The following EFHB variants were observed in gnomAD, a reference collection of about 807,000 sequenced individuals.
The protein encoded by EFHB is EF-hand domain-containing family member B.
In EFHB, 91 loss-of-function variants were observed where a neutral mutation model predicts 87.2. The observed-to-expected ratio is 1.04, with a 90% confidence interval of 0.88 to 1.24. The LOEUF (loss-of-function observed/expected upper bound fraction) is 1.24, where lower values mean the gene tolerates loss of function less well. Among genes scored for constraint, EFHB ranks in the 50% most tolerant of loss-of-function variants. The pLI, the probability that EFHB is intolerant of heterozygous loss-of-function variation, is 0.00. For missense variants in EFHB, 1,084 were observed against 998.8 expected, an observed-to-expected ratio of 1.09 and a Z score of -1.15; for synonymous variants, 325 against 333.6, an observed-to-expected ratio of 0.97 and a Z score of 0.28.
intron 1 of EFHB, among the ~76,000 whole-genome samples, chr3:19,939,379 T>C (rs1696098612): frequency 1.0e-5 from 1 of 99,292 alleles, no homozygotes; most frequent in African/African-American, 4.1e-5. Flanking sequence ...CCTTTTTTTT[T>C]TTTTTTTTTT....
intron 1 of EFHB, among the ~76,000 whole-genome samples, chr3:19,922,067 A>T (rs1355721277): frequency 1.3e-5 from 2 of 152,172 alleles, no homozygotes; most frequent in African/African-American, 4.8e-5. Context: ...CGGGAAGCTG[A>T]GGCAGGAGAA....
At chr3:19,904,286 C>T (rs893359753) in intron 6 of EFHB, among the ~76,000 whole-genome samples, 1 of 152,206 alleles carries the variant, frequency 6.6e-6, no homozygotes, top group African/African-American at 2.4e-5. Flanking sequence ...CTCTCACAGT[C>T]CTAGAAGCCA....
chr3:19,902,350 GTTTGTT>G (rs1439551127), intron 6 of EFHB, among the ~76,000 whole-genome samples: 28 of 152,068 alleles, frequency 1.8e-4, no homozygotes, highest in Admixed American at 8.5e-4. Context: ...TTGTTTGTTT[GTTTGTT>G]TTTGTTTTTG....
intron 9 of EFHB, among the ~76,000 whole-genome samples, chr3:19,893,252 T>C (rs1389947790): frequency 6.6e-6 from 1 of 152,198 alleles, no homozygotes. Flanking sequence ...ATATTCTCTA[T>C]TTTCGCCTAG....
chr3:19,914,266 G>C (rs951924555), intron 5 of EFHB, among the ~76,000 whole-genome samples: 4 of 152,150 alleles, frequency 2.6e-5, no homozygotes, highest in African/African-American at 7.2e-5. Flanking sequence ...CATTGGATTA[G>C]ACTGTGCAAT....
rs760019193 is a variant in EFHB at position 19,905,666 on chromosome 3, C to T, written c.1372G>A (p.Gly458Arg). 52 of 1,613,570 alleles carry T rather than the reference C, an allele frequency of 3.2e-5. No individual in the cohort carries two copies. The highest frequency in any genetic ancestry group is 4.4e-5 in the Non-Finnish European group (52 of 1,179,756). The change falls in exon 6 of 13, where the codon GGA (glycine) becomes AGA (arginine). Residue 458 changes from glycine (G) to arginine (R), a missense_variant. Gly to Arg is a moderately radical substitution (Grantham distance 125, BLOSUM62 -2). Transcript: ENST00000295824. ...TATAGAGATTTTGCCATGGCTCGTC[C>T]ATCATTAAAATGTGGTGTTGGTACT... is the stretch of plus-strand genomic sequence containing the variant. Reference protein sequence around the residue: ...YGVPTPHFNDGRAMAKSLYWL... With the variant: ...YGVPTPHFNDRRAMAKSLYWL...
upstream of EFHB, among the ~76,000 whole-genome samples, chr3:19,935,867 G>C (rs1696002062): frequency 1.3e-5 from 2 of 151,628 alleles, no homozygotes; most frequent in South Asian, 4.2e-4. Flanking sequence ...AAAATTAGCT[G>C]GGCCTGATGG....
chr3:19,898,684 G>C, intron 8 of EFHB, 94 bp downstream of exon 8: 5 of 1,207,150 alleles, frequency 4.1e-6, no homozygotes, highest in Non-Finnish European at 6.0e-6. Context: ...TAGAAGCTTT[G>C]AAATAAGGAG....
chr3:19,904,855 C>G (rs767766154), intron 6 of EFHB, among the ~76,000 whole-genome samples: 5 of 152,170 alleles, frequency 3.3e-5, no homozygotes, highest in Admixed American at 6.5e-5. Flanking sequence ...ACCATGGTAC[C>G]AGTATCCACA....
intron 6 of EFHB, among the ~76,000 whole-genome samples, chr3:19,903,618 T>C (rs532490019): frequency 3.2e-4 from 49 of 152,146 alleles, no homozygotes; most frequent in Non-Finnish European, 6.2e-4. Flanking sequence ...ATATCCTAAA[T>C]AAAAACTATC....
At chr3:19,940,794 C>T in intron 1 of EFHB, 1 of 364,614 alleles carries the variant, frequency 2.7e-6, no homozygotes, top group Non-Finnish European at 5.5e-6. Context: ...CAAAGGTATG[C>T]CTGTGAGTTG....
At chr3:19,934,753 C>T (rs1346828627), upstream of EFHB, among the ~76,000 whole-genome samples, 1 of 152,094 alleles carries the variant, frequency 6.6e-6, no homozygotes, top group African/African-American at 2.4e-5. Context: ...TTAGGTCCTT[C>T]CTTGTCCAAG....
intron 1 of EFHB, 54 bp from the exon 2 acceptor site, chr3:19,920,621 G>T: frequency 7.0e-7 from 1 of 1,428,724 alleles, no homozygotes; most frequent in Non-Finnish European, 9.6e-7. Context: ...GGAGCATTTT[G>T]AAGAATGAAA....
intron 11 of EFHB, 45 bp from the exon 12 acceptor site, chr3:19,882,776 C>T: frequency 6.5e-7 from 1 of 1,543,392 alleles, no homozygotes; most frequent in Non-Finnish European, 8.8e-7. Flanking sequence ...TAAAACAAAG[C>T]TGTGTAACAC....
chr3:19,920,334 G>A (rs1422104691), intron 2 of EFHB, among the ~76,000 whole-genome samples, 171 bp downstream of exon 2: 8 of 152,276 alleles, frequency 5.3e-5, no homozygotes, highest in Admixed American at 3.3e-4. Flanking sequence ...GTAAGCCTGG[G>A]ATTTTCACTT....
rs139977147 is a variant in EFHB at position 19,889,795 on chromosome 3, C to A, written c.1726-1144G>T. Among the ~76,000 whole-genome samples the A allele has an allele frequency of 3.3e-5, 5 of 151,970 alleles. No individual in the cohort carries two copies. The East Asian group carries it at 5.8e-4, about 18-fold the overall frequency. ...GCCTGTAATCCCAGCACTTTGGGAG[C>A]CTGACCAACACGGAGAAATCCCGTC... On this transcript the variant is annotated intron_variant, in intron 9 of 12. Transcript: ENST00000295824.
At chr3:19,895,590 G>A (rs1463513782) in intron 9 of EFHB, among the ~76,000 whole-genome samples, 1 of 152,030 alleles carries the variant, frequency 6.6e-6, no homozygotes, top group Non-Finnish European at 1.5e-5. Flanking sequence ...TTAAAAGCAG[G>A]GCACTACGTA....
At chr3:19,880,606 T>C (rs2125120762) in intron 12 of EFHB, among the ~76,000 whole-genome samples, 1 of 152,308 alleles carries the variant, frequency 6.6e-6, no homozygotes, top group African/African-American at 2.4e-5. Flanking sequence ...AACTGGCCTG[T>C]TGGAACTTTA....
intron 11 of EFHB, 57 bp downstream of exon 11, chr3:19,884,346 G>A (rs1305063033): frequency 6.7e-7 from 1 of 1,494,488 alleles, no homozygotes; most frequent in African/African-American, 1.4e-5. Flanking sequence ...GACAATGCAA[G>A]GACAGACAGA....
Sources: gnomAD v4.1 joint callset for allele counts (sites outside exome capture counted in the v4.1 genomes callset) on GRCh38, gnomAD v4.1.1 for gene constraint, MANE v1.5 for transcripts, NCBI Gene and HGNC (gene_info 2026-07-23, HGNC 2026-07-21) for gene names.